Variants in USP24 observed in about 807,000 individuals in gnomAD.
USP24 encodes ubiquitin carboxyl-terminal hydrolase 24.
Under a neutral mutation model 361.6 loss-of-function variants are expected in USP24, and 97 were observed. The ratio of observed to expected loss-of-function variants is 0.27; its 90% CI spans 0.23 to 0.32. The LOEUF (loss-of-function observed/expected upper bound fraction) is 0.32. Ranked by LOEUF, USP24 falls within the 10% of genes least tolerant of loss-of-function variation. The probability of loss-of-function intolerance (pLI) is 1.00; values close to 1 mark genes in which losing one functional copy is unlikely to be tolerated. For missense variants in USP24, 2,353 were observed against 3,165.6 expected (o/e 0.74, Z 6.16); for synonymous variants, 1,098 against 1,124.6 (o/e 0.98, Z 0.47).
At chr1:55,098,608 A>G (rs1294732684) in intron 45 of USP24, 50 bp from the exon 46 acceptor site, 1 of 1,324,842 alleles carries the variant, frequency 7.5e-7, no homozygotes, top group Non-Finnish European at 1.1e-6. Flanking sequence ...TGAACTTATG[A>G]GTATACAGAA....
intron 44 of USP24, among the ~76,000 whole-genome samples, 174 bp from the exon 45 acceptor site, chr1:55,100,043 G>A (rs2100504299): frequency 6.6e-6 from 1 of 152,124 alleles, no homozygotes; most frequent in Non-Finnish European, 1.5e-5. Flanking sequence ...CTTTTTTCTA[G>A]TCCCCTTACA....
At position 55,070,207 on chromosome 1, in the gene USP24, G is replaced by A. The variant is rs556172291; in HGVS notation, c.7801-1100C>T. ...GCAGGGAGGAGGGGCTGGGCACATCGAGTCTGAGGTCTTTAAGGTATGCCA... is the reference window on the plus strand; with the variant it reads ...GCAGGGAGGAGGGGCTGGGCACATCAAGTCTGAGGTCTTTAAGGTATGCCA... On this transcript the variant is annotated intron_variant, in intron 67 of 67. Coordinates refer to ENST00000294383, the MANE Select transcript of USP24 (RefSeq NM_015306.3). 3.3e-5 allele frequency among the ~76,000 whole-genome samples: 5 copies of A among 152,216 alleles called. No individual in the cohort carries two copies. The South Asian group carries it at 8.3e-4, about 25-fold the overall frequency.
Position 55,176,391 on chromosome 1 carries a change from A to G in USP24, c.543T>C (p.Pro181=). Residue 181 remains proline, a synonymous_variant, in exon 3 of 68, where the codon CCT becomes CCC. Coordinates refer to ENST00000294383, the MANE Select transcript of USP24 (RefSeq NM_015306.3). ...NCRRFMDRCM[P]EAFKKLLTSS... is the part of the protein sequence containing the mutation. The stretch of plus-strand genomic sequence containing the variant: ...TTTTTCTTACCTTTTTAAATGCTTC[A>G]GGCATACACCTGTCCATAAACCTTC... 1 of 1,570,768 alleles carries G rather than the reference A, an allele frequency of 6.4e-7. No individual in the cohort carries two copies. The highest frequency in any genetic ancestry group is 8.7e-7 in the Non-Finnish European group (1 of 1,156,032).
chr1:55,081,778 G>C (rs74928719), intron 58 of USP24, among the ~76,000 whole-genome samples: 3,886 of 152,300 alleles, frequency 0.026, 61 homozygotes, highest in Non-Finnish European at 0.037. Flanking sequence ...AGTATCTTGA[G>C]TTCTTCATGT....
rs766015416 is a variant in USP24 at position 55,146,065 on chromosome 1, A to T, written c.2295T>A (p.Ser765Arg). 1.2e-6 allele frequency: 2 copies of T among 1,613,146 alleles called. No homozygotes were observed. The highest frequency in any genetic ancestry group is 1.7e-6 in the Non-Finnish European group (2 of 1,179,516). Residue 765 changes from serine to arginine, a missense_variant, in exon 20 of 68, where the codon AGT becomes AGA. Physicochemically the swap from Ser to Arg is moderately radical, Grantham distance 110. Around this residue, in one of 8 missense-constraint regions of USP24, gnomAD observed 949 missense variants for 1,280.5 expected, o/e 0.74. Coordinates refer to ENST00000294383, the MANE Select transcript of USP24 (RefSeq NM_015306.3). ...CCTTGAAGAGCTGCTGCTGAACATCACTCTCAAGATCATGCTGTCCTTTTG... is the reference window on the plus strand; with the variant it reads ...CCTTGAAGAGCTGCTGCTGAACATCTCTCTCAAGATCATGCTGTCCTTTTG... Reference protein sequence around the residue: ...WFTKGQHDLESDVQQQLFKEK... With the variant: ...WFTKGQHDLERDVQQQLFKEK...
chr1:55,128,713 CTT>C (rs869191004), intron 32 of USP24, among the ~76,000 whole-genome samples: 21 of 124,868 alleles, frequency 1.7e-4, no homozygotes, highest in Non-Finnish European at 2.4e-4. Context: ...GCTTTAATAC[CTT>C]TTTTTTTTTT....
chr1:55,107,865 A>AAAC lies in USP24; in HGVS notation c.4571-436_4571-435insGTT, dbSNP rs1379674224. Among the ~76,000 whole-genome samples, 304 of 146,996 alleles carry AAAC rather than the reference A, an allele frequency of 2.1e-3. 6 individuals carry two copies. Among genetic ancestry groups the AAAC allele is most frequent in the African/African-American group, 6.5e-3 (252 of 38,624 alleles). On this transcript the variant is annotated intron_variant, in intron 39 of 67. Coordinates refer to ENST00000294383, the MANE Select transcript of USP24 (RefSeq NM_015306.3). ...TCAAAAAAAAAAAAAAAAAAAAAAA[A>AAAC]ACACACAAAAACCCCACAAAACTGT...
chr1:55,072,239 G>C (rs1156249762), intron 66 of USP24, 78 bp downstream of exon 66: 3 of 1,174,436 alleles, frequency 2.6e-6, no homozygotes, highest in Admixed American at 4.2e-5. Flanking sequence ...TCTTCTCAGA[G>C]GTTGCAGTTT....
intron 5 of USP24, 109 bp downstream of exon 5, chr1:55,171,447 T>G (rs1447278349): frequency 2.2e-6 from 3 of 1,342,698 alleles, no homozygotes; most frequent in Non-Finnish European, 3.0e-6. Context: ...ATATTTGTCA[T>G]TTTTCAGATT....
At chr1:55,092,156 T>C (rs1194325478) in intron 53 of USP24, 30 bp from the exon 54 acceptor site, 1 of 1,506,510 alleles carries the variant, frequency 6.6e-7, no homozygotes, top group African/African-American at 1.5e-5. Flanking sequence ...AAGAGGATAT[T>C]TTTCACAGAA....
chr1:55,121,904 A>G (rs1192778293), intron 36 of USP24, among the ~76,000 whole-genome samples: 1 of 152,236 alleles, frequency 6.6e-6, no homozygotes, highest in African/African-American at 2.4e-5. Context: ...AAGTTAAACA[A>G]TTCTAGGAAA....
At chr1:55,100,017 T>C (rs999334989) in intron 44 of USP24, 148 bp from the exon 45 acceptor site, 8 of 611,438 alleles carry the variant, frequency 1.3e-5, no homozygotes, top group Admixed American at 3.0e-5. Context: ...GACTAGCTTG[T>C]ATTCAGCCAT....
At chr1:55,205,429 C>G (rs1243165479) in intron 1 of USP24, among the ~76,000 whole-genome samples, 1 of 152,214 alleles carries the variant, frequency 6.6e-6, no homozygotes, top group Non-Finnish European at 1.5e-5. Flanking sequence ...GACTCAAATT[C>G]GAAAAGTCCT....
chr1:55,096,663 A>T (rs1367677555), intron 49 of USP24, 41 bp from the exon 50 acceptor site: 2 of 1,586,438 alleles, frequency 1.3e-6, no homozygotes, highest in Non-Finnish European at 1.7e-6. Context: ...AGGTTAAAAA[A>T]ATCAACCTCC....
chr1:55,145,310 G>C (rs947984191), intron 20 of USP24, among the ~76,000 whole-genome samples: 1 of 152,144 alleles, frequency 6.6e-6, no homozygotes, highest in Non-Finnish European at 1.5e-5. Context: ...CCACACAGTG[G>C]AATATTATAA....
chr1:55,158,754 CTCT>C (rs769883570), intron 10 of USP24, 121 bp downstream of exon 10: 36 of 874,676 alleles, frequency 4.1e-5, no homozygotes, highest in Middle Eastern at 3.7e-4. Flanking sequence ...CACAATCATT[CTCT>C]TTTTTATATG....
At chr1:55,130,914 A>G (rs1475702) in intron 31 of USP24, among the ~76,000 whole-genome samples, 110,927 of 152,056 alleles carry the variant, frequency 0.73, 42,139 homozygotes, top group East Asian at 0.96. Flanking sequence ...GTGTACCTAA[A>G]GCAAAACAAA....
intron 3 of USP24, 47 bp downstream of exon 3, chr1:55,176,329 C>T: frequency 6.7e-7 from 1 of 1,501,562 alleles, no homozygotes; most frequent in Non-Finnish European, 9.0e-7. Flanking sequence ...TTCACCCTGC[C>T]CCCACCCCGA....
Position 55,166,006 on chromosome 1 carries a change from G to A in USP24, c.862-56C>T, listed in dbSNP as rs551467759. 9.9e-4 allele frequency: 1,510 copies of A among 1,522,870 alleles called. 3 individuals carry two copies. Among genetic ancestry groups the A allele is most frequent in the Non-Finnish European group, 1.3e-3 (1,417 of 1,125,018 alleles). The allele number at this position is 1,522,870 out of a possible 1,614,324, so 94.3% of individuals were successfully genotyped here. On this transcript the variant is annotated intron_variant, in intron 6 of 67. Transcript: ENST00000294383. ...TTTTTCTCTTTAATTTTTTTATTTT[G>A]AAAAATTTCTATTGGTACATAGTAG... is the stretch of plus-strand genomic sequence containing the variant.
Sources: gnomAD v4.1 joint callset for allele counts (sites outside exome capture counted in the v4.1 genomes callset) on GRCh38, gnomAD v4.1.1 for gene constraint, gnomAD v4.1.1 regional missense constraint, MANE v1.5 for transcripts, NCBI Gene and HGNC (gene_info 2026-07-23, HGNC 2026-07-21) for gene names.